The following CADPS2 variants were observed in gnomAD, a reference collection of about 807,000 sequenced individuals.
CADPS2 encodes the protein calcium dependent secretion activator 2, also known as calcium-dependent secretion activator 2.
In CADPS2, 93 loss-of-function variants were observed where a neutral mutation model predicts 172.5. The observed-to-expected ratio is 0.54, with a 90% CI of 0.46 to 0.64. The LOEUF (loss-of-function observed/expected upper bound fraction) is 0.64. CADPS2 is among the 30% of genes least tolerant of loss of function. The pLI is 0.00. For synonymous variants in CADPS2, 546 were observed against 555.2 expected (o/e 0.98, Z 0.23); for missense variants, 1,420 against 1,565.9 (o/e 0.91, Z 1.57).
chr7:122,413,477 T>C (rs1197209124), intron 19 of CADPS2, among the ~76,000 whole-genome samples: 5 of 152,106 alleles, frequency 3.3e-5, no homozygotes, highest in East Asian at 1.9e-4. Flanking sequence ...TGTTGAAGGA[T>C]AGAAACAACC....
At chr7:122,619,173 A>G (rs909162031) in intron 5 of CADPS2, among the ~76,000 whole-genome samples, 11 of 152,136 alleles carry the variant, frequency 7.2e-5, no homozygotes, top group Admixed American at 1.3e-4. Context: ...AATATAATTC[A>G]TAAGAAGTTA....
chr7:122,704,403 C>T (rs188887592), intron 2 of CADPS2, among the ~76,000 whole-genome samples: 149 of 151,428 alleles, frequency 9.8e-4, no homozygotes, highest in African/African-American at 3.5e-3. Flanking sequence ...ATTCTATTAA[C>T]AGTGACAAAT....
At chr7:122,446,305 T>C (rs1359588599) in intron 15 of CADPS2, among the ~76,000 whole-genome samples, 2 of 152,238 alleles carry the variant, frequency 1.3e-5, no homozygotes, top group Non-Finnish European at 2.9e-5. Context: ...TTTTGTCTTG[T>C]TGATGTCTAG....
At chr7:122,834,793 C>A (rs866333874) in intron 1 of CADPS2, among the ~76,000 whole-genome samples, 1 of 152,276 alleles carries the variant, frequency 6.6e-6, no homozygotes, top group East Asian at 1.9e-4. Context: ...CCTGGAAGCT[C>A]GAACTGGGTG....
chr7:122,499,291 ATCT>A (rs1265985563), intron 9 of CADPS2, among the ~76,000 whole-genome samples: 1 of 152,206 alleles, frequency 6.6e-6, no homozygotes, highest in African/African-American at 2.4e-5. Context: ...CTCATGGTAC[ATCT>A]TCTTTCTCTG....
At chr7:122,551,727 C>A (rs992499477) in intron 8 of CADPS2, among the ~76,000 whole-genome samples, 1 of 152,026 alleles carries the variant, frequency 6.6e-6, no homozygotes, top group Non-Finnish European at 1.5e-5. Flanking sequence ...ATTTTTAAAA[C>A]TTGACTTGTC....
intron 29 of CADPS2, among the ~76,000 whole-genome samples, chr7:122,321,470 G>A (rs1016112397): frequency 1.3e-5 from 2 of 152,032 alleles, no homozygotes; most frequent in Non-Finnish European, 2.9e-5. Context: ...GCCTGGCCAT[G>A]TTTACTTTTT....
intron 3 of CADPS2, among the ~76,000 whole-genome samples, chr7:122,648,893 G>T (rs1010104340): frequency 6.6e-6 from 1 of 152,088 alleles, no homozygotes; most frequent in South Asian, 2.1e-4. Flanking sequence ...AGAACAATGC[G>T]TAGTGCTTGG....
chr7:122,491,075 T>C (rs970962328), intron 10 of CADPS2, among the ~76,000 whole-genome samples: 4 of 152,212 alleles, frequency 2.6e-5, no homozygotes. Flanking sequence ...TCCATTACAG[T>C]GAATTTTACA....
chr7:122,705,455 ATC>A (rs1219699697), intron 2 of CADPS2, among the ~76,000 whole-genome samples: 1 of 136,286 alleles, frequency 7.3e-6, no homozygotes, highest in Non-Finnish European at 1.5e-5. Flanking sequence ...ATTATATATT[ATC>A]TATATTATAT....
chr7:122,483,411 C>G (rs545943891), intron 11 of CADPS2, among the ~76,000 whole-genome samples: 2 of 151,790 alleles, frequency 1.3e-5, no homozygotes, highest in African/African-American at 4.8e-5. Context: ...TACTTTTTTT[C>G]GTATATAAAG....
chr7:122,556,085 T>C (rs1046826942), intron 7 of CADPS2, among the ~76,000 whole-genome samples: 1 of 152,110 alleles, frequency 6.6e-6, no homozygotes, highest in Admixed American at 6.6e-5. Flanking sequence ...TACTCAAGTA[T>C]ATAAAGGACA....
rs1330250939 is a variant in CADPS2 at position 122,515,174 on chromosome 7, A to G, written c.1476-1859T>C. The stretch of plus-strand genomic sequence containing the variant: ...TAACTGAAGTTTTTGGTGAACTTCT[A>G]TTCAGCATTTATGATACCGTTAATT... On this transcript the variant is annotated intron_variant, in intron 8 of 29. Coordinates refer to ENST00000449022, the MANE Select transcript of CADPS2 (RefSeq NM_017954.11). Among the ~76,000 whole-genome samples, 7 of 152,288 alleles carry G rather than the reference A, an allele frequency of 4.6e-5. No homozygotes were observed. In the East Asian group the frequency reaches 9.7e-4, roughly 21 times the overall value.
chr7:122,686,096 T>C (rs138013777), intron 2 of CADPS2, among the ~76,000 whole-genome samples: 95 of 152,364 alleles, frequency 6.2e-4, no homozygotes, highest in African/African-American at 2.1e-3. Context: ...AGATCTTTAG[T>C]GAATATAATG....
intron 25 of CADPS2, among the ~76,000 whole-genome samples, chr7:122,368,514 G>A (rs983466809): frequency 6.6e-6 from 1 of 152,160 alleles, no homozygotes; most frequent in Non-Finnish European, 1.5e-5. Flanking sequence ...AGGGAGACTG[G>A]ACTGGTGACT....
At chr7:122,369,232 C>T (rs1859352) in intron 25 of CADPS2, among the ~76,000 whole-genome samples, 110,863 of 148,074 alleles carry the variant, frequency 0.75, 42,121 homozygotes, top group African/African-American at 0.88. Flanking sequence ...CCCGGGTTCA[C>T]GCCATTCTCC....
chr7:122,395,935 G>A lies in CADPS2; in HGVS notation c.2747-2353C>T, dbSNP rs545269906. 2.2e-4 allele frequency among the ~76,000 whole-genome samples: 34 copies of A among 151,840 alleles called. No individual in the cohort carries two copies. The East Asian group carries it at 4.1e-3, about 18-fold the overall frequency. On this transcript the variant is annotated intron_variant, in intron 20 of 29. Coordinates refer to ENST00000449022, the MANE Select transcript of CADPS2 (RefSeq NM_017954.11). The stretch of plus-strand genomic sequence containing the variant: ...AGCGATTCTCCTGCCTCAGCCTCCC[G>A]AGTAGCTGGGATTATAGGCGCATGC...
At chr7:122,796,587 C>A (rs1285551932) in intron 1 of CADPS2, among the ~76,000 whole-genome samples, 2 of 152,120 alleles carry the variant, frequency 1.3e-5, no homozygotes, top group African/African-American at 4.8e-5. Context: ...AGATCTTCAA[C>A]AAACCTGACA....
intron 2 of CADPS2, among the ~76,000 whole-genome samples, chr7:122,695,577 GTCC>G (rs2084966502): frequency 6.6e-6 from 1 of 152,174 alleles, no homozygotes; most frequent in African/African-American, 2.4e-5. Context: ...AAAGTGCTTA[GTCC>G]TCTACCTGGC....
Sources: allele counts gnomAD v4.1 joint callset (sites outside exome capture counted in the v4.1 genomes callset), GRCh38; gene constraint gnomAD v4.1.1; transcripts MANE v1.5; gene names NCBI Gene and HGNC (gene_info 2026-07-23, HGNC 2026-07-21).